The following SGCD variants were observed in gnomAD, a reference collection of about 807,000 sequenced individuals.
SGCD encodes sarcoglycan delta.
A neutral mutation model predicts 36.6 loss-of-function variants in SGCD; 18 were observed. The ratio of observed to expected loss-of-function variants is 0.49; its 90% CI spans 0.34 to 0.73. The LOEUF (loss-of-function observed/expected upper bound fraction) is 0.73, where lower values mean the gene tolerates loss of function less well. SGCD is among the 30% of genes least tolerant of loss of function. SGCD has a pLI of 0.01. For missense variants in SGCD, 387 were observed against 346.7 expected (o/e 1.12, Z -0.92); for synonymous variants, 133 against 130.6 (o/e 1.02, Z -0.12).
upstream of SGCD, chr5:155,870,252 A>G (rs1214455322): frequency 6.6e-6 from 1 of 152,220 alleles, no homozygotes; most frequent in Admixed American, 6.5e-5. Flanking sequence ...ACTGTAAAAT[A>G]TGAGTAATAA....
chr5:156,525,173 A>G (rs1003592235), intron 4 of SGCD, among the ~76,000 whole-genome samples: 1 of 152,018 alleles, frequency 6.6e-6, no homozygotes, highest in African/African-American at 2.4e-5. Context: ...GGCTGTACCA[A>G]TTTACATTTC....
intron 6 of SGCD, among the ~76,000 whole-genome samples, chr5:156,642,720 G>C (rs1227965317): frequency 6.6e-6 from 1 of 151,924 alleles, no homozygotes; most frequent in South Asian, 2.1e-4. Flanking sequence ...GCCTGCCTCA[G>C]CCTCCCAAAG....
At chr5:155,855,107 G>T in the SGCD span, among the ~76,000 whole-genome samples, 3 of 152,148 alleles carry the variant, frequency 2.0e-5, no homozygotes, top group East Asian at 5.8e-4. Context: ...ACTCTGGACC[G>T]ACCTTTAACT....
chr5:156,310,437 T>C (rs1318835612), intron 3 of SGCD, among the ~76,000 whole-genome samples: 1 of 152,172 alleles, frequency 6.6e-6, no homozygotes, highest in Non-Finnish European at 1.5e-5. Context: ...TCCTGAAAGC[T>C]ATGTGCAAGC....
In SGCD at chr5:156,703,382, C is replaced by CT. The variant is rs533137929; in HGVS notation, c.576-54186dup. On this transcript the variant is annotated intron_variant, in intron 7 of 8. Transcript: ENST00000337851. Reference sequence around the variant, plus strand: ...GCCCATACTTTTCTTTTATTTATTTCTTTTTTTTTTTTTCTTTTTTACTTA... The same window carrying CT: ...GCCCATACTTTTCTTTTATTTATTTCTTTTTTTTTTTTTTCTTTTTTACTTA... 9.5e-3 allele frequency among the ~76,000 whole-genome samples: 1,300 copies of CT among 137,316 alleles called. 17 individuals carry two copies. Among genetic ancestry groups the CT allele is most frequent in the African/African-American group, 0.025 (904 of 35,512 alleles). 90.1% of individuals were successfully genotyped at this position (137,316 alleles called of 152,430 possible).
intron 3 of SGCD, among the ~76,000 whole-genome samples, chr5:156,162,498 T>C (rs1339763974): frequency 6.6e-6 from 1 of 151,578 alleles, no homozygotes; most frequent in Admixed American, 6.6e-5. Flanking sequence ...GGGAACCAGG[T>C]AGGGCTGAAT....
chr5:155,873,350 A>G (rs1471226235), intron 1 of SGCD, among the ~76,000 whole-genome samples: 1 of 152,222 alleles, frequency 6.6e-6, no homozygotes, highest in East Asian at 1.9e-4. Context: ...GGAATAACTC[A>G]GGAACAGAAA....
intron 1 of SGCD, among the ~76,000 whole-genome samples, chr5:156,020,899 C>T (rs1005698873): frequency 2.0e-5 from 3 of 152,248 alleles, no homozygotes; most frequent in East Asian, 3.9e-4. Flanking sequence ...CTCTTGCACT[C>T]GGCTGGCCTT....
intron 2 of SGCD, among the ~76,000 whole-genome samples, chr5:156,122,603 A>G (rs990290361): frequency 1.8e-4 from 27 of 151,780 alleles, no homozygotes; most frequent in African/African-American, 6.0e-4. Flanking sequence ...AATGAGGGGG[A>G]AAAGAGTGGA....
intron 3 of SGCD, among the ~76,000 whole-genome samples, chr5:156,488,859 T>A (rs1755817942): frequency 1.3e-5 from 2 of 152,128 alleles, no homozygotes; most frequent in East Asian, 1.9e-4. Context: ...ACTAATAAAA[T>A]GACAGGAATG....
At chr5:155,962,794 T>C (rs1217873206) in intron 1 of SGCD, among the ~76,000 whole-genome samples, 1 of 152,128 alleles carries the variant, frequency 6.6e-6, no homozygotes, top group Non-Finnish European at 1.5e-5. Flanking sequence ...TGGTCTCTGC[T>C]GCAAGGCAAT....
the SGCD span, among the ~76,000 whole-genome samples, chr5:155,816,532 G>T: frequency 6.6e-6 from 1 of 152,210 alleles, no homozygotes. Context: ...TGTCTCAGGA[G>T]TGGAAGAAGC....
chr5:155,923,697 T>C (rs946799502), intron 1 of SGCD, among the ~76,000 whole-genome samples: 6 of 152,230 alleles, frequency 3.9e-5, no homozygotes, highest in African/African-American at 1.4e-4. Flanking sequence ...GACAAACGGA[T>C]TTTGCTAATG....
intron 1 of SGCD, among the ~76,000 whole-genome samples, chr5:156,028,323 T>C (rs1759268991): frequency 6.6e-6 from 1 of 152,220 alleles, no homozygotes; most frequent in Non-Finnish European, 1.5e-5. Flanking sequence ...TTTACCTTTT[T>C]TCAGTTCAAA....
intron 7 of SGCD, among the ~76,000 whole-genome samples, chr5:156,712,855 T>C (rs1755054156): frequency 6.6e-6 from 1 of 152,160 alleles, no homozygotes. Flanking sequence ...CACCTCACTT[T>C]TCCTTTCATT....
At chr5:156,137,464 G>C (rs1258818301) in intron 3 of SGCD, among the ~76,000 whole-genome samples, 2 of 152,074 alleles carry the variant, frequency 1.3e-5, no homozygotes, top group East Asian at 3.8e-4. Context: ...TATTCCAGAT[G>C]GTCAGTCAAA....
At chr5:155,752,067 C>T in the SGCD span, among the ~76,000 whole-genome samples, 2 of 152,180 alleles carry the variant, frequency 1.3e-5, no homozygotes, top group African/African-American at 4.8e-5. Flanking sequence ...ATCTATATAA[C>T]ATTGACTAAG....
chr5:155,827,498 A>G, the SGCD span, among the ~76,000 whole-genome samples: 1 of 152,058 alleles, frequency 6.6e-6, no homozygotes. Context: ...CCCAAGGAGT[A>G]AAGAGGGACA....
intron 3 of SGCD, among the ~76,000 whole-genome samples, chr5:156,260,715 T>C (rs1765836742): frequency 6.6e-6 from 1 of 152,154 alleles, no homozygotes; most frequent in South Asian, 2.1e-4. Flanking sequence ...GGAGCTCCAG[T>C]AAAATTTTGA....
Sources: gnomAD v4.1 joint callset for allele counts (sites outside exome capture counted in the v4.1 genomes callset) on GRCh38, gnomAD v4.1.1 for gene constraint, MANE v1.5 for transcripts, NCBI Gene and HGNC (gene_info 2026-07-23, HGNC 2026-07-21) for gene names.